Variants in ZNF729 observed in about 807,000 individuals in gnomAD.
ZNF729 encodes the protein zinc finger protein 729.
A neutral mutation model predicts 12.2 loss-of-function variants in ZNF729; 15 were observed. The ratio of observed to expected loss-of-function variants is 1.23; its 90% CI spans 0.82 to 1.89. The LOEUF (loss-of-function observed/expected upper bound fraction) is 1.89. ZNF729 is among the 40% of genes most tolerant of loss of function. The pLI is 0.00. For synonymous variants in ZNF729, 492 were observed against 476.3 expected (o/e 1.03, Z -0.43); for missense variants, 1,540 against 1,456.7 (o/e 1.06, Z -0.93).
At chr19:22,296,503 TTC>T (rs1968232234) in intron 1 of ZNF729, among the ~76,000 whole-genome samples, 2 of 152,008 alleles carry the variant, frequency 1.3e-5, no homozygotes, top group Non-Finnish European at 2.9e-5. Flanking sequence ...TATTTGAATC[TTC>T]TCTTTATTCT....
Position 22,315,264 on chromosome 19 carries a change from C to T in ZNF729, c.1847C>T (p.Ala616Val). 5 of 1,611,284 alleles carry T rather than the reference C, an allele frequency of 3.1e-6. No homozygotes were observed. Among genetic ancestry groups the T allele is most frequent in the Non-Finnish European group, 4.2e-6 (5 of 1,179,180 alleles). ...GKAFNNSSIL[A>V]KHKIIHTGKK... ...GCTTTTAACAATTCCTCAATCCTTG[C>T]TAAACATAAGATAATTCATACTGGG... The change falls in exon 4 of 4, where the codon GCT becomes GTT. Residue 616 changes from alanine to valine, a missense_variant. Physicochemically the swap from Ala to Val is moderately conservative, Grantham distance 64 (BLOSUM62 0). Transcript: ENST00000601693.
chr19:22,293,177 T>G (rs1415945975), intron 1 of ZNF729, among the ~76,000 whole-genome samples: 2 of 152,194 alleles, frequency 1.3e-5, no homozygotes, highest in Non-Finnish European at 2.9e-5. Context: ...TTGTTCATGT[T>G]TTTTGTCTAC....
At position 22,314,601 on chromosome 19, in the gene ZNF729, A is replaced by T; in HGVS notation, c.1184A>T (p.Lys395Met). ...FKWSSKLTVHKVVHTGEKPYK... is the reference protein window; with the variant it reads ...FKWSSKLTVHMVVHTGEKPYK... ...TGGTCTTCAAAACTTACTGTACATA[A>T]GGTAGTTCATACTGGAGAGAAACCC... is the stretch of plus-strand genomic sequence containing the variant. Residue 395 changes from lysine to methionine, a missense_variant, in exon 4 of 4, where the codon AAG becomes ATG. Physicochemically the swap from Lys to Met is moderately conservative, Grantham distance 95 (BLOSUM62 -1). Coordinates refer to ENST00000601693, the MANE Select transcript of ZNF729 (RefSeq NM_001242680.2). 1 of 1,612,024 alleles carries T rather than the reference A, an allele frequency of 6.2e-7. No individual in the cohort carries two copies. Among genetic ancestry groups the T allele is most frequent in the East Asian group, 2.2e-5 (1 of 44,834 alleles).
At chr19:22,308,691 A>T (rs796480298) in intron 3 of ZNF729, among the ~76,000 whole-genome samples, 1 of 151,602 alleles carries the variant, frequency 6.6e-6, no homozygotes, top group South Asian at 2.1e-4. Context: ...TTGTCTATTC[A>T]TGTCCTTAGC....
At position 22,315,510 on chromosome 19, in the gene ZNF729, C is replaced by T. The variant is rs771399123; in HGVS notation, c.2093C>T (p.Ala698Val). The T allele has an allele frequency of 6.2e-7, 1 of 1,610,190 alleles. No homozygotes were observed. Among genetic ancestry groups the T allele is most frequent in the Admixed American group, 1.7e-5 (1 of 59,846 alleles). ...ECGKAFSHFS[A>V]LRRHKIIHTG... ...GGCAAAGCTTTTAGCCATTTCTCAGCCCTTAGAAGACATAAGATAATTCAT... is the reference window on the plus strand; with the variant it reads ...GGCAAAGCTTTTAGCCATTTCTCAGTCCTTAGAAGACATAAGATAATTCAT... Residue 698 changes from alanine to valine, a missense_variant, in exon 4 of 4, where the codon GCC (alanine) becomes GTC (valine). By Grantham distance (64) the Ala-to-Val change is moderately conservative. Transcript: ENST00000601693.
At position 22,315,735 on chromosome 19, in the gene ZNF729, G is replaced by A. The variant is rs778865740; in HGVS notation, c.2318G>A (p.Cys773Tyr). ...TREKLYKCEE[C>Y]VKAFNSFSAL... The stretch of plus-strand genomic sequence containing the variant: ...GAGAAATTGTACAAATGTGAAGAAT[G>A]TGTCAAAGCTTTTAACAGTTTCTCA... The change falls in exon 4 of 4, where the codon TGT (cysteine) becomes TAT (tyrosine). Residue 773 changes from cysteine (C) to tyrosine (Y), a missense_variant. By Grantham distance (194) the Cys-to-Tyr change is radical. Transcript: ENST00000601693. 4 of 1,606,718 alleles carry A rather than the reference G, an allele frequency of 2.5e-6. No homozygotes were observed. In the Admixed American group the frequency reaches 5.0e-5, roughly 20 times the overall value.
intron 1 of ZNF729, among the ~76,000 whole-genome samples, chr19:22,289,038 T>G (rs1337686161): frequency 6.6e-6 from 1 of 152,042 alleles, no homozygotes; most frequent in Non-Finnish European, 1.5e-5. Context: ...GATGGCCTGA[T>G]TGAAACATGA....
chr19:22,297,282 C>G (rs2145045132), intron 1 of ZNF729, among the ~76,000 whole-genome samples: 1 of 133,978 alleles, frequency 7.5e-6, no homozygotes, highest in African/African-American at 2.7e-5. Flanking sequence ...ACCTTTTTCT[C>G]TTCTGTTTTT....
chr19:22,292,732 C>T (rs1968171874), intron 1 of ZNF729, among the ~76,000 whole-genome samples: 1 of 152,150 alleles, frequency 6.6e-6, no homozygotes, highest in African/African-American at 2.4e-5. Flanking sequence ...TGAGCCACCA[C>T]ACCTTATCAT....
At chr19:22,290,222 G>A (rs565395060) in intron 1 of ZNF729, among the ~76,000 whole-genome samples, 2 of 152,270 alleles carry the variant, frequency 1.3e-5, no homozygotes, top group East Asian at 1.9e-4. Context: ...CATGGAAGAC[G>A]CCTTTATCCT....
rs773178350 is a variant in ZNF729 at position 22,316,587 on chromosome 19, T to C, written c.3170T>C (p.Phe1057Ser). The C allele has an allele frequency of 2.5e-6, 4 of 1,613,184 alleles. No homozygotes were observed. ...AAATGTGAAGAATGTGGTAAAGCTT[T>C]TAAGTGGTCCTCAAAACTTACTGAA... Reference protein sequence around the residue: ...PYKCEECGKAFKWSSKLTEHK... With the variant: ...PYKCEECGKASKWSSKLTEHK... The change falls in exon 4 of 4, where the codon TTT becomes TCT. Residue 1057 changes from phenylalanine to serine, a missense_variant. Physicochemically the swap from Phe to Ser is radical, Grantham distance 155. Coordinates refer to ENST00000601693, the MANE Select transcript of ZNF729 (RefSeq NM_001242680.2).
intron 3 of ZNF729, among the ~76,000 whole-genome samples, chr19:22,307,985 C>A (rs1968405776): frequency 6.6e-6 from 1 of 151,722 alleles, no homozygotes; most frequent in Admixed American, 6.6e-5. Context: ...ATACACTGCA[C>A]CCTATTTGTA....
At position 22,287,395 on chromosome 19, in the gene ZNF729, T is replaced by A. The variant is rs184600904; in HGVS notation, c.30+840T>A. On this transcript the variant is annotated intron_variant, in intron 1 of 3. Transcript: ENST00000601693. Reference sequence around the variant, plus strand: ...GATTCTCCTACCTCAGCTTCCTGAGTAGCTGGGATTACAGGCATGTGCCAC... The same window carrying A: ...GATTCTCCTACCTCAGCTTCCTGAGAAGCTGGGATTACAGGCATGTGCCAC... Among the ~76,000 whole-genome samples, 5 of 152,022 alleles carry A rather than the reference T, an allele frequency of 3.3e-5. No individual in the cohort carries two copies. In the East Asian group the frequency reaches 9.7e-4, roughly 30 times the overall value.
intron 1 of ZNF729, among the ~76,000 whole-genome samples, chr19:22,296,017 AT>A (rs1195074405): frequency 2.0e-5 from 3 of 152,044 alleles, no homozygotes; most frequent in Non-Finnish European, 2.9e-5. Context: ...GTGCTGCTGG[AT>A]TTGGTTTGCC....
chr19:22,302,633 C>G (rs1968326665), intron 1 of ZNF729, among the ~76,000 whole-genome samples: 1 of 152,276 alleles, frequency 6.6e-6, no homozygotes. Context: ...CTTAGGTAAG[C>G]TTAGGAAAAA....
Position 22,314,304 on chromosome 19 carries a change from A to C in ZNF729, c.887A>C (p.Glu296Ala). Residue 296 changes from glutamate (E) to alanine (A), a missense_variant, in exon 4 of 4, where the codon GAA becomes GCA. Transcript: ENST00000601693. ...HTGEKTYKCE[E>A]CGKAFKGSSN... is the part of the protein sequence containing the mutation. Reference sequence around the variant, plus strand: ...GGAGAGAAAACCTACAAATGTGAAGAATGTGGCAAAGCTTTTAAGGGGTCC... The same window carrying C: ...GGAGAGAAAACCTACAAATGTGAAGCATGTGGCAAAGCTTTTAAGGGGTCC... The C allele has an allele frequency of 1.2e-6, 2 of 1,610,830 alleles. No individual in the cohort carries two copies. Among genetic ancestry groups the C allele is most frequent in the Non-Finnish European group, 1.7e-6 (2 of 1,179,272 alleles).
chr19:22,310,377 G>C (rs1020375497), intron 3 of ZNF729, among the ~76,000 whole-genome samples: 5 of 152,072 alleles, frequency 3.3e-5, no homozygotes, highest in Non-Finnish European at 7.4e-5. Flanking sequence ...TATGTCCCTT[G>C]TATGCCAATT....
At chr19:22,300,705 T>G (rs1332787178) in intron 1 of ZNF729, among the ~76,000 whole-genome samples, 1 of 152,216 alleles carries the variant, frequency 6.6e-6, no homozygotes, top group Non-Finnish European at 1.5e-5. Flanking sequence ...ATTTTATGTT[T>G]TTCAGTGACT....
At position 22,302,165 on chromosome 19, in the gene ZNF729, A is replaced by T. The variant is rs562091119; in HGVS notation, c.31-1593A>T. Among the ~76,000 whole-genome samples the T allele has an allele frequency of 8.5e-5, 13 of 152,424 alleles. No homozygotes were observed. In the East Asian group the frequency reaches 2.5e-3, roughly 29 times the overall value. On this transcript the variant is annotated intron_variant, in intron 1 of 3. Coordinates refer to ENST00000601693, the MANE Select transcript of ZNF729 (RefSeq NM_001242680.2). ...TACCTTTAGTTGGTACCCAGACAAGAGTTTCTCCAGTTTCTTGGTACTTGG... is the reference window on the plus strand; with the variant it reads ...TACCTTTAGTTGGTACCCAGACAAGTGTTTCTCCAGTTTCTTGGTACTTGG...
Sources: allele counts gnomAD v4.1 joint callset (sites outside exome capture counted in the v4.1 genomes callset), GRCh38; gene constraint gnomAD v4.1.1; transcripts MANE v1.5; gene names NCBI Gene and HGNC (gene_info 2026-07-23, HGNC 2026-07-21).